The following CTNNA2 variants were observed in gnomAD, a reference collection of about 807,000 sequenced individuals.
CTNNA2 encodes catenin alpha-2.
In CTNNA2, 42 loss-of-function variants were observed where a neutral mutation model predicts 101.0. That is an observed-to-expected ratio of 0.42 (90% CI 0.32 to 0.54). The LOEUF (loss-of-function observed/expected upper bound fraction) is 0.54. CTNNA2 is among the 20% of genes least tolerant of loss of function. CTNNA2 has a pLI of 0.14. For synonymous variants in CTNNA2, 450 were observed against 456.4 expected, an observed-to-expected ratio of 0.99 and a Z score of 0.18; for missense variants, 871 against 1,223.1, an observed-to-expected ratio of 0.71 and a Z score of 4.29.
chr2:80,479,086 C>T (rs144179565), intron 9 of CTNNA2, among the ~76,000 whole-genome samples: 151 of 151,472 alleles, frequency 1.0e-3, no homozygotes, highest in Non-Finnish European at 1.7e-3. Context: ...GTAGAGATCT[C>T]TCACCTTCTT....
rs570552079 is a variant in CTNNA2 at position 80,419,427 on chromosome 2, T to C, written c.1138-22T>C. The C allele has an allele frequency of 1.3e-5, 20 of 1,584,386 alleles. No individual in the cohort carries two copies. In the African/African-American group the frequency reaches 2.7e-4, roughly 21 times the overall value. ...ACTATTTCTTAATTGTATGTCATTTTTTGTTTTTGTTTCAACTGTAGCTTC... is the reference window on the plus strand; with the variant it reads ...ACTATTTCTTAATTGTATGTCATTTCTTGTTTTTGTTTCAACTGTAGCTTC... On this transcript the variant is annotated intron_variant, in intron 8 of 18. Coordinates refer to ENST00000402739, the MANE Select transcript of CTNNA2 (RefSeq NM_001282597.3).
At chr2:80,493,202 G>A (rs1201751359) in intron 9 of CTNNA2, among the ~76,000 whole-genome samples, 1 of 152,230 alleles carries the variant, frequency 6.6e-6, no homozygotes, top group African/African-American at 2.4e-5. Context: ...GTGTGAATCT[G>A]TGTGGCCCAG....
At position 80,039,561 on chromosome 2, in the gene CTNNA2, A is replaced by C. The variant is rs747698470; in HGVS notation, c.1056+129764A>C. ...CTAAAAGAGCAGGGACCCAGGAGGG[A>C]TGGCTGACCTACCGCCCATCTTCCG... On this transcript the variant is annotated intron_variant, in intron 7 of 18. Coordinates refer to ENST00000402739, the MANE Select transcript of CTNNA2 (RefSeq NM_001282597.3). Among the ~76,000 whole-genome samples the C allele has an allele frequency of 7.2e-5, 11 of 152,296 alleles. 1 individual carries two copies. The highest frequency in any genetic ancestry group is 4.8e-5 in the African/African-American group (2 of 41,558).
intron 9 of CTNNA2, among the ~76,000 whole-genome samples, chr2:80,421,127 G>A (rs963971246): frequency 6.6e-6 from 1 of 152,024 alleles, no homozygotes; most frequent in Non-Finnish European, 1.5e-5. Context: ...GAGGATATGG[G>A]TACAGAAGGA....
chr2:79,257,241 A>T (rs988916104), intron 2 of CTNNA2, among the ~76,000 whole-genome samples: 6 of 152,178 alleles, frequency 3.9e-5, no homozygotes, highest in African/African-American at 9.7e-5. Context: ...CTTCTAAGCA[A>T]CCTGATGCAA....
intron 2 of CTNNA2, among the ~76,000 whole-genome samples, chr2:79,719,686 T>C (rs1362737698): frequency 3.3e-5 from 5 of 152,212 alleles, no homozygotes; most frequent in African/African-American, 1.2e-4. Context: ...GTTGGCTGCT[T>C]GTATGTCTTC....
At chr2:79,406,658 T>C (rs1268787916) in intron 4 of CTNNA2, among the ~76,000 whole-genome samples, 2 of 152,054 alleles carry the variant, frequency 1.3e-5, no homozygotes, top group Non-Finnish European at 2.9e-5. Context: ...CGTTGCATAG[T>C]CACCTTGGTT....
intron 2 of CTNNA2, among the ~76,000 whole-genome samples, chr2:79,294,002 C>G (rs1675901309): frequency 6.6e-6 from 1 of 151,964 alleles, no homozygotes; most frequent in South Asian, 2.1e-4. Flanking sequence ...ATGGAAAGTA[C>G]TGTCTTAGTC....
chr2:80,248,910 A>G (rs1671545616), intron 7 of CTNNA2, among the ~76,000 whole-genome samples: 1 of 152,198 alleles, frequency 6.6e-6, no homozygotes, highest in Admixed American at 6.5e-5. Context: ...CTGATGAGGA[A>G]TAAGGGAGGT....
chr2:80,149,774 TCACACACACACA>T (rs10595115), intron 7 of CTNNA2, among the ~76,000 whole-genome samples: 2,432 of 143,376 alleles, frequency 0.017, 59 homozygotes, highest in African/African-American at 0.055. Flanking sequence ...TTAGAATGGA[TCACACACACACA>T]CACACACACA....
At chr2:80,559,614 A>G (rs962151463) in intron 12 of CTNNA2, among the ~76,000 whole-genome samples, 1 of 152,216 alleles carries the variant, frequency 6.6e-6, no homozygotes, top group African/African-American at 2.4e-5. Context: ...ATAGGGTAGC[A>G]TTATGTACAA....
chr2:79,817,419 A>G (rs1044551559), intron 3 of CTNNA2, among the ~76,000 whole-genome samples: 4 of 140,036 alleles, frequency 2.9e-5, no homozygotes, highest in African/African-American at 1.1e-4. Context: ...CTGCCTTGCC[A>G]TAGAATAAGT....
At chr2:79,666,199 TC>T (rs1206835358) in intron 2 of CTNNA2, among the ~76,000 whole-genome samples, 1 of 152,144 alleles carries the variant, frequency 6.6e-6, no homozygotes, top group African/African-American at 2.4e-5. Context: ...TGGGCTTCTT[TC>T]CCAGAAAAAA....
At chr2:79,898,337 A>G (rs1380980935) in intron 6 of CTNNA2, among the ~76,000 whole-genome samples, 2 of 151,930 alleles carry the variant, frequency 1.3e-5, no homozygotes, top group Non-Finnish European at 2.9e-5. Flanking sequence ...GGGTTTCACC[A>G]TATTGAGCAG....
At chr2:79,288,853 T>C (rs905888293) in intron 2 of CTNNA2, among the ~76,000 whole-genome samples, 1 of 152,222 alleles carries the variant, frequency 6.6e-6, no homozygotes, top group Admixed American at 6.5e-5. Context: ...TTTCAAACAA[T>C]GTGTGATCTT....
intron 1 of CTNNA2, chr2:79,547,871 G>T (rs1673837790): frequency 6.6e-6 from 1 of 152,434 alleles, no homozygotes; most frequent in African/African-American, 2.4e-5. Context: ...ACCAGCTAAA[G>T]ACTTTTTCAC....
intron 2 of CTNNA2, among the ~76,000 whole-genome samples, chr2:79,671,344 T>C (rs2104584593): frequency 6.6e-6 from 1 of 152,370 alleles, no homozygotes; most frequent in South Asian, 2.1e-4. Context: ...TTCATGCTAG[T>C]ACCACCTTCA....
intron 3 of CTNNA2, among the ~76,000 whole-genome samples, chr2:79,797,529 G>A (rs1675815038): frequency 1.3e-5 from 2 of 151,892 alleles, no homozygotes; most frequent in Admixed American, 1.3e-4. Context: ...GTGTGGTGGT[G>A]CACACCTGTT....
chr2:80,460,114 A>G (rs1684302428), intron 9 of CTNNA2, among the ~76,000 whole-genome samples: 1 of 152,170 alleles, frequency 6.6e-6, no homozygotes, highest in South Asian at 2.1e-4. Flanking sequence ...CATAAGTCAG[A>G]TATGACCCCA....
Sources: allele counts gnomAD v4.1 joint callset (sites outside exome capture counted in the v4.1 genomes callset), GRCh38; gene constraint gnomAD v4.1.1; transcripts MANE v1.5; gene names NCBI Gene and HGNC (gene_info 2026-07-23, HGNC 2026-07-21).